RILPL2: variants seen among roughly 807,000 people sequenced by gnomAD.
The protein encoded by RILPL2 is RILP-like protein 2.
In RILPL2, 19 loss-of-function variants were observed where a neutral mutation model predicts 22.2. The observed-to-expected ratio is 0.86, with a 90% CI of 0.60 to 1.25. The LOEUF is 1.25. RILPL2 is among the 50% of genes most tolerant of loss of function. The pLI, the probability that RILPL2 is intolerant of heterozygous loss-of-function variation, is 0.00. For missense variants in RILPL2, 243 were observed against 263.6 expected (o/e 0.92, Z 0.54); for synonymous variants, 123 against 111.6 (o/e 1.10, Z -0.64).
chr12:123,424,148 T>C (rs181393123), intron 2 of RILPL2, among the ~76,000 whole-genome samples: 1 of 152,284 alleles, frequency 6.6e-6, no homozygotes, highest in African/African-American at 2.4e-5. Context: ...ATTCAACAAA[T>C]ATTTATTAAG....
chr12:123,423,606 TTC>T (rs2139240094), intron 2 of RILPL2, among the ~76,000 whole-genome samples: 1 of 152,000 alleles, frequency 6.6e-6, no homozygotes, highest in South Asian at 2.1e-4. Context: ...GTCAGAGAAA[TTC>T]TGTTTAAAAT....
chr12:123,416,589 A>G (rs1477251504), intron 3 of RILPL2, among the ~76,000 whole-genome samples: 3 of 148,646 alleles, frequency 2.0e-5, no homozygotes, highest in East Asian at 2.1e-4. Flanking sequence ...GCAGTGAGCC[A>G]AGATGGTGCC....
rs1489603565 is a variant in RILPL2 at position 123,436,382 on chromosome 12, C to T, written c.39G>A (p.Glu13=). 6.4e-6 allele frequency: 10 copies of T among 1,552,084 alleles called. No homozygotes were observed. Among genetic ancestry groups the T allele is most frequent in the Admixed American group, 3.9e-5 (2 of 50,920 alleles). ...EPPVREEEEE[E]GEEDEERDEV... is the part of the protein sequence containing the mutation. The stretch of plus-strand genomic sequence containing the variant: ...CGTCCCTCTCCTCGTCCTCCTCTCC[C>T]TCCTCCTCTTCCTCTTCTCGCACAG... The change falls in exon 1 of 4, where the codon GAG becomes GAA. Residue 13 remains glutamate (E), a synonymous_variant. Transcript: ENST00000280571. This position sits in a 1 kb window ranked among gnomAD's most constrained non-coding sequence, Gnocchi z 6.7.
At chr12:123,432,476 A>C (rs994622528) in intron 1 of RILPL2, among the ~76,000 whole-genome samples, 3 of 152,246 alleles carry the variant, frequency 2.0e-5, no homozygotes, top group Non-Finnish European at 4.4e-5. Flanking sequence ...ACTGCACGCC[A>C]GCCTGGGTGA....
chr12:123,422,011 T>TTTTC (rs1879297407), intron 3 of RILPL2, among the ~76,000 whole-genome samples: 1 of 149,734 alleles, frequency 6.7e-6, no homozygotes, highest in African/African-American at 2.4e-5. Flanking sequence ...CTCTCTTTTT[T>TTTTC]TTTTTTTTTG....
downstream of RILPL2, chr12:123,413,655 G>A (rs891347885): frequency 6.6e-6 from 1 of 152,410 alleles, no homozygotes; most frequent in Admixed American, 6.5e-5. Context: ...AGGAACCCGA[G>A]CGGGTTGCCA....
Position 123,426,670 on chromosome 12 carries a change from G to C in RILPL2, c.492-3513C>G, listed in dbSNP as rs577993059. ...GGCTGGAGTGCAGTGGCGCGATCTCGGCTCACTGCAGGCTCTGCCCCCCGG... is the reference window on the plus strand; with the variant it reads ...GGCTGGAGTGCAGTGGCGCGATCTCCGCTCACTGCAGGCTCTGCCCCCCGG... On this transcript the variant is annotated intron_variant, in intron 2 of 3. Transcript: ENST00000280571. 7.9e-5 allele frequency among the ~76,000 whole-genome samples: 12 copies of C among 151,908 alleles called. No homozygotes were observed. The South Asian group carries it at 1.9e-3, about 24-fold the overall frequency.
intron 2 of RILPL2, among the ~76,000 whole-genome samples, chr12:123,426,268 C>T (rs1339085280): frequency 6.6e-6 from 1 of 151,968 alleles, no homozygotes; most frequent in Non-Finnish European, 1.5e-5. Context: ...TGTGCCTCAG[C>T]CTTTTCAGTA....
intron 2 of RILPL2, among the ~76,000 whole-genome samples, chr12:123,426,940 TA>T (rs1384916158): frequency 1.3e-5 from 2 of 151,200 alleles, no homozygotes; most frequent in Non-Finnish European, 3.0e-5. Flanking sequence ...TTTTTTTTTT[TA>T]GATCAGATCT....
chr12:123,417,192 G>A (rs1039345534), intron 3 of RILPL2, among the ~76,000 whole-genome samples: 10 of 151,782 alleles, frequency 6.6e-5, no homozygotes, highest in African/African-American at 2.2e-4. Flanking sequence ...CCAGCTACTC[G>A]GGAGGCTGAG....
At chr12:123,411,367 C>G (rs1053458794), downstream of RILPL2, 1 of 143,462 alleles carries the variant, frequency 7.0e-6, no homozygotes, top group Admixed American at 6.8e-5. Flanking sequence ...TGGCCAGGCA[C>G]GGTAATCCCT....
intron 2 of RILPL2, among the ~76,000 whole-genome samples, chr12:123,424,331 A>ATTTTTTTTTTT (rs56046247): frequency 7.4e-6 from 1 of 135,174 alleles, no homozygotes; most frequent in African/African-American, 2.7e-5. Flanking sequence ...TAAGAGTTAG[A>ATTTTTTTTTTT]TTTTTTTTTT....
chr12:123,416,403 A>G (rs1320490881), intron 3 of RILPL2, among the ~76,000 whole-genome samples: 1 of 151,972 alleles, frequency 6.6e-6, no homozygotes, highest in Non-Finnish European at 1.5e-5. Context: ...ACTTTGGGAG[A>G]CGGAGGCAGG....
rs1422582895 is a variant in RILPL2 at position 123,415,493 on chromosome 12, C to T, written c.*398G>A. ...ATCAGTGAAGTCACCACTGGAATCTCAATAGCACATTTTCCTGCTTTCTTT... is the reference window on the plus strand; with the variant it reads ...ATCAGTGAAGTCACCACTGGAATCTTAATAGCACATTTTCCTGCTTTCTTT... On this transcript the variant is annotated 3_prime_UTR_variant, in exon 4 of 4. Coordinates refer to ENST00000280571, the MANE Select transcript of RILPL2 (RefSeq NM_145058.3). The T allele has an allele frequency of 9.7e-6, 2 of 206,434 alleles. No individual in the cohort carries two copies. Among genetic ancestry groups the T allele is most frequent in the Non-Finnish European group, 2.0e-5 (2 of 102,424 alleles). 12.8% of individuals were successfully genotyped at this position (206,434 alleles called of 1,614,324 possible).
chr12:123,414,870 G>A (rs1349529901), downstream of RILPL2: 3 of 149,108 alleles, frequency 2.0e-5, no homozygotes, highest in Non-Finnish European at 4.4e-5. Context: ...AGCAGAGCTT[G>A]TAGTGAGCCG....
chr12:123,424,742 C>T (rs73216937), intron 2 of RILPL2, among the ~76,000 whole-genome samples: 9,125 of 152,252 alleles, frequency 0.06, 412 homozygotes, highest in East Asian at 0.24. Flanking sequence ...ATTTCAATTA[C>T]GGCACAGTAC....
intron 2 of RILPL2, among the ~76,000 whole-genome samples, chr12:123,426,474 T>C (rs1238778883): frequency 6.6e-6 from 1 of 152,200 alleles, no homozygotes; most frequent in Non-Finnish European, 1.5e-5. Flanking sequence ...TAGATACTTA[T>C]TATAATAATG....
At chr12:123,430,275 G>C (rs1265710806) in intron 2 of RILPL2, among the ~76,000 whole-genome samples, 1 of 151,700 alleles carries the variant, frequency 6.6e-6, no homozygotes, top group African/African-American at 2.4e-5. Context: ...CAGGCACGGT[G>C]GCGGGCGCCT....
downstream of RILPL2, chr12:123,411,318 C>G (rs532080292): frequency 3.3e-5 from 5 of 151,766 alleles, no homozygotes; most frequent in Admixed American, 2.6e-4. Context: ...TGTGAGCCAC[C>G]GCGCCCAGCC....
Sources: allele counts gnomAD v4.1 joint callset (sites outside exome capture counted in the v4.1 genomes callset), GRCh38; gene constraint gnomAD v4.1.1; non-coding constraint Gnocchi (gnomAD v3.1); transcripts MANE v1.5; gene names NCBI Gene and HGNC (gene_info 2026-07-23, HGNC 2026-07-21).